The following CDC73 variants were observed in gnomAD, a reference collection of about 807,000 sequenced individuals.
CDC73 encodes parafibromin.
A neutral mutation model predicts 83.7 loss-of-function variants in CDC73; 21 were observed. The ratio of observed to expected loss-of-function variants is 0.25; its 90% CI spans 0.18 to 0.36. The LOEUF is 0.36. Among genes scored for constraint, CDC73 ranks in the 10% least tolerant of loss-of-function variants. The pLI is 1.00. For missense variants in CDC73, 342 were observed against 653.3 expected, an observed-to-expected ratio of 0.52 and a Z score of 5.19; for synonymous variants, 224 against 212.9, an observed-to-expected ratio of 1.05 and a Z score of -0.45.
chr1:193,162,627 C>T (rs1216314538), intron 10 of CDC73, among the ~76,000 whole-genome samples: 1 of 152,002 alleles, frequency 6.6e-6, no homozygotes. Flanking sequence ...CCTCAGGCTT[C>T]CAAAGTGCTG....
At chr1:193,122,360 G>T (rs774511675) in intron 1 of CDC73, 29 bp downstream of exon 1, 148 of 1,613,702 alleles carry the variant, frequency 9.2e-5, no homozygotes, top group South Asian at 3.3e-5. Context: ...TGGCCCAGGG[G>T]TGGCAGGGCA....
intron 10 of CDC73, among the ~76,000 whole-genome samples, chr1:193,166,410 A>C (rs1421077377): frequency 6.6e-6 from 1 of 152,098 alleles, no homozygotes; most frequent in Non-Finnish European, 1.5e-5. Context: ...CAAAGTGCAG[A>C]GATTACAGGT....
At chr1:193,213,838 G>T (rs1677317242) in intron 13 of CDC73, among the ~76,000 whole-genome samples, 1 of 152,138 alleles carries the variant, frequency 6.6e-6, no homozygotes, top group Admixed American at 6.5e-5. Context: ...AATATCTCAA[G>T]CCTTGAGTTG....
chr1:193,126,035 A>G (rs1279187698), intron 2 of CDC73, among the ~76,000 whole-genome samples: 3 of 152,172 alleles, frequency 2.0e-5, no homozygotes, highest in Non-Finnish European at 1.5e-5. Context: ...CTAAGGCGGT[A>G]GGGTTGCTTG....
intron 10 of CDC73, among the ~76,000 whole-genome samples, chr1:193,197,171 T>TC (rs1319644133): frequency 2.6e-5 from 4 of 152,222 alleles, no homozygotes; most frequent in Admixed American, 1.3e-4. Context: ...GTCTTTTTTT[T>TC]CTACATCATT....
intron 10 of CDC73, among the ~76,000 whole-genome samples, chr1:193,177,280 T>C (rs1037362195): frequency 6.9e-6 from 1 of 144,518 alleles, no homozygotes. Context: ...TCCCAGCACT[T>C]TGGGAGGCCG....
chr1:193,222,785 T>G, intron 13 of CDC73, among the ~76,000 whole-genome samples: 1 of 147,946 alleles, frequency 6.8e-6, no homozygotes, highest in South Asian at 2.3e-4. Context: ...ATATGTTCTG[T>G]TCCCCATCCC....
At chr1:193,204,543 C>T (rs528771348) in intron 11 of CDC73, among the ~76,000 whole-genome samples, 6 of 152,168 alleles carry the variant, frequency 3.9e-5, no homozygotes, top group Non-Finnish European at 7.4e-5. Flanking sequence ...CCCGCCTCGG[C>T]CTCCCAAAGT....
chr1:193,252,407 C>CT lies in CDC73; in HGVS notation c.*1697dup, dbSNP rs1678058095. Reference sequence around the variant, plus strand: ...TCTGTAATATTTTTATGTAAGATTACTTGTCAAGACTACTACAAGTCAGTA... The same window carrying CT: ...TCTGTAATATTTTTATGTAAGATTACTTTGTCAAGACTACTACAAGTCAGTA... On this transcript the variant is annotated 3_prime_UTR_variant, in exon 17 of 17. Transcript: ENST00000367435. 8.7e-6 allele frequency: 2 copies of CT among 229,630 alleles called. No homozygotes were observed. The highest frequency in any genetic ancestry group is 3.6e-4 in the South Asian group (2 of 5,500). The allele number at this position is 229,630 out of a possible 1,614,324, so 14.2% of individuals were successfully genotyped here. A position where few individuals can be genotyped will look rare whatever the true frequency, so the allele number is the denominator to read the frequency against.
intron 13 of CDC73, among the ~76,000 whole-genome samples, chr1:193,223,757 T>A (rs1186806802): frequency 1.3e-5 from 2 of 152,140 alleles, no homozygotes; most frequent in Non-Finnish European, 2.9e-5. Flanking sequence ...GTCTGCAGTG[T>A]TGTTCTTACT....
intron 13 of CDC73, among the ~76,000 whole-genome samples, chr1:193,221,664 A>G (rs1319316331): frequency 6.6e-6 from 1 of 152,210 alleles, no homozygotes; most frequent in Non-Finnish European, 1.5e-5. Context: ...AAAATAGTGA[A>G]TAGTGAAAGA....
At chr1:193,190,969 G>A (rs1362910983) in intron 10 of CDC73, among the ~76,000 whole-genome samples, 1 of 152,180 alleles carries the variant, frequency 6.6e-6, no homozygotes, top group Non-Finnish European at 1.5e-5. Context: ...TAGTGTGTGG[G>A]ACAGTCTTTG....
At chr1:193,168,957 A>T (rs1370999480) in intron 10 of CDC73, among the ~76,000 whole-genome samples, 7 of 152,198 alleles carry the variant, frequency 4.6e-5, no homozygotes, top group Admixed American at 4.6e-4. Context: ...ACTTTTGATT[A>T]TCTAGATTTT....
At chr1:193,156,921 C>T (rs1159935352) in intron 10 of CDC73, among the ~76,000 whole-genome samples, 4 of 152,032 alleles carry the variant, frequency 2.6e-5, no homozygotes, top group African/African-American at 4.8e-5. Context: ...CGTGTTCATA[C>T]GGACTTTATG....
chr1:193,225,370 G>A (rs183879878), intron 13 of CDC73, among the ~76,000 whole-genome samples: 134 of 152,054 alleles, frequency 8.8e-4, no homozygotes, highest in African/African-American at 2.9e-3. Flanking sequence ...GTAAACATGC[G>A]TGTGCAGGTA....
chr1:193,196,457 G>A (rs1677004407), intron 10 of CDC73, among the ~76,000 whole-genome samples: 1 of 152,126 alleles, frequency 6.6e-6, no homozygotes, highest in Non-Finnish European at 1.5e-5. Flanking sequence ...CTAAGTATTT[G>A]AGGTCCCGTG....
At chr1:193,210,330 T>C (rs1677255430) in intron 11 of CDC73, among the ~76,000 whole-genome samples, 1 of 152,228 alleles carries the variant, frequency 6.6e-6, no homozygotes, top group African/African-American at 2.4e-5. Flanking sequence ...TGTGCTGTGT[T>C]ATTCACTTTA....
At chr1:193,139,889 T>G (rs1202771835) in intron 6 of CDC73, among the ~76,000 whole-genome samples, 1 of 152,238 alleles carries the variant, frequency 6.6e-6, no homozygotes, top group Non-Finnish European at 1.5e-5. Context: ...TATTCTTCAC[T>G]TTGTGTGAAC....
At chr1:193,170,626 G>T (rs547043910) in intron 10 of CDC73, among the ~76,000 whole-genome samples, 20 of 152,006 alleles carry the variant, frequency 1.3e-4, no homozygotes, top group African/African-American at 4.3e-4. Context: ...AATGATTTTT[G>T]TTGTTGTTGT....
Sources: gnomAD v4.1 joint callset for allele counts (sites outside exome capture counted in the v4.1 genomes callset) on GRCh38, gnomAD v4.1.1 for gene constraint, MANE v1.5 for transcripts, NCBI Gene and HGNC (gene_info 2026-07-23, HGNC 2026-07-21) for gene names.